CCDC150: variants seen among roughly 807,000 people sequenced by gnomAD.
CCDC150 encodes the protein coiled-coil domain containing 150.
In CCDC150, 151 loss-of-function variants were observed where a neutral mutation model predicts 156.5. The observed-to-expected ratio is 0.97, with a 90% CI of 0.85 to 1.10. The LOEUF is 1.10. CCDC150 is among the 50% of genes least tolerant of loss of function. CCDC150 has a pLI of 0.00. For missense variants in CCDC150, 1,312 were observed against 1,268.1 expected (o/e 1.03, Z -0.53); for synonymous variants, 452 against 429.4 (o/e 1.05, Z -0.65).
chr2:196,704,381 G>A (rs1463704899), intron 15 of CCDC150, among the ~76,000 whole-genome samples: 1 of 152,080 alleles, frequency 6.6e-6, no homozygotes, highest in African/African-American at 2.4e-5. Flanking sequence ...TAATAACAAT[G>A]ATGATATGAT....
intron 2 of CCDC150, among the ~76,000 whole-genome samples, chr2:196,656,290 A>T (rs542837664): frequency 2.0e-5 from 3 of 152,170 alleles, no homozygotes; most frequent in Non-Finnish European, 4.4e-5. Flanking sequence ...ATACCTTCTT[A>T]ATTGGATGGC....
At chr2:196,732,420 T>A (rs1443803141) in intron 27 of CCDC150, 26 bp from the exon 28 acceptor site, 1 of 1,505,412 alleles carries the variant, frequency 6.6e-7, no homozygotes, top group Non-Finnish European at 9.2e-7. Flanking sequence ...GAACAGTCAG[T>A]GTTAGGTGTG....
intron 1 of CCDC150, among the ~76,000 whole-genome samples, chr2:196,643,601 A>G (rs949319619): frequency 2.6e-5 from 4 of 152,242 alleles, no homozygotes; most frequent in East Asian, 1.9e-4. Flanking sequence ...TCTGCATCCT[A>G]TTCAAAATAT....
At chr2:196,682,229 G>A (rs932458419) in intron 13 of CCDC150, among the ~76,000 whole-genome samples, 1 of 151,830 alleles carries the variant, frequency 6.6e-6, no homozygotes, top group African/African-American at 2.4e-5. Context: ...TCTTTCTATG[G>A]AATAGTTTTC....
Position 196,718,484 on chromosome 2 carries a change from T to C in CCDC150, c.1867-19T>C. 1 of 1,577,540 alleles carries C rather than the reference T, an allele frequency of 6.3e-7. No homozygotes were observed. The highest frequency in any genetic ancestry group is 8.6e-7 in the Non-Finnish European group (1 of 1,158,716). ...CACTGATTTGTAATGTTATTTATTG[T>C]TTCTTTTTTCCTACTTAGGTGAAAT... On this transcript the variant is annotated intron_variant, in intron 17 of 27. Coordinates refer to ENST00000389175, the MANE Select transcript of CCDC150 (RefSeq NM_001080539.2).
At chr2:196,688,428 C>T (rs954959008) in intron 13 of CCDC150, among the ~76,000 whole-genome samples, 6 of 152,032 alleles carry the variant, frequency 3.9e-5, no homozygotes, top group Non-Finnish European at 5.9e-5. Context: ...GGAATGCTAA[C>T]GATCTTTGCA....
intron 13 of CCDC150, among the ~76,000 whole-genome samples, chr2:196,681,594 G>C (rs934728497): frequency 6.6e-6 from 1 of 152,132 alleles, no homozygotes; most frequent in East Asian, 1.9e-4. Context: ...CACCAGCGAT[G>C]TACAAAAGTT....
intron 13 of CCDC150, 119 bp from the exon 14 acceptor site, chr2:196,694,927 G>A (rs1054507499): frequency 3.8e-6 from 2 of 531,494 alleles, no homozygotes; most frequent in African/African-American, 2.0e-5. Context: ...ACATTTAGAG[G>A]CAAGGAAACA....
chr2:196,672,352 A>G lies in CCDC150; in HGVS notation c.944A>G (p.Gln315Arg), dbSNP rs1421876786. 2 of 1,520,764 alleles carry G rather than the reference A, an allele frequency of 1.3e-6. No individual in the cohort carries two copies. The highest frequency in any genetic ancestry group is 4.5e-5 in the Admixed American group (2 of 44,580). The allele number at this position is 1,520,764 out of a possible 1,614,324, so 94.2% of individuals were successfully genotyped here. A position where few individuals can be genotyped will look rare whatever the true frequency, so the allele number is the denominator to read the frequency against. The change falls in exon 9 of 28, where the codon CAG becomes CGG. Residue 315 changes from glutamine to arginine, a missense_variant. Gln to Arg is a conservative substitution (Grantham distance 43). Transcript: ENST00000389175. ...TAATTTTTTTTCTTATAGAACCTGC[A>G]GATATCTTTCAACAAGGAACATGAA... ...SKLVEENKNL[Q>R]ISFNKEHEEN...
rs1695810812 is a variant in CCDC150 at position 196,696,110 on chromosome 2, T to C, written c.1623+951T>C. On this transcript the variant is annotated intron_variant, in intron 14 of 27. Coordinates refer to ENST00000389175, the MANE Select transcript of CCDC150 (RefSeq NM_001080539.2). ...GGTTTTCAAGCCAGATTTCCTACTT[T>C]TGAGTTTTGGCTGTGACCTCGGGTA... Among the ~76,000 whole-genome samples the C allele has an allele frequency of 1.3e-5, 2 of 152,186 alleles. 1 individual carries two copies. The highest frequency in any genetic ancestry group is 1.3e-4 in the Admixed American group (2 of 15,278).
chr2:196,684,554 G>T (rs963883300), intron 13 of CCDC150, among the ~76,000 whole-genome samples: 1 of 152,050 alleles, frequency 6.6e-6, no homozygotes, highest in Non-Finnish European at 1.5e-5. Flanking sequence ...ATAGGTGTCC[G>T]TTAGGTCTAC....
chr2:196,729,339 C>T lies in CCDC150; in HGVS notation c.2703C>T (p.Leu901=), dbSNP rs1262877771. 1.2e-6 allele frequency: 2 copies of T among 1,613,628 alleles called. No individual in the cohort carries two copies. The highest frequency in any genetic ancestry group is 1.7e-6 in the Non-Finnish European group (2 of 1,179,828). The part of the protein sequence containing the change: ...KIKNQKTQIK[L]HLSAKANNAQ... ...AGAATCAAAAGACCCAAATTAAGCT[C>T]CACTTGTCAGCTAAGGCGAATAATG... The change falls in exon 23 of 28, where the codon CTC becomes CTT. Residue 901 remains leucine (L), a synonymous_variant. Coordinates refer to ENST00000389175, the MANE Select transcript of CCDC150 (RefSeq NM_001080539.2).
At chr2:196,656,573 T>G in intron 2 of CCDC150, 60 bp from the exon 3 acceptor site, 1 of 1,150,434 alleles carries the variant, frequency 8.7e-7, no homozygotes, top group South Asian at 1.4e-5. Context: ...ACTCAGTTTT[T>G]GGGATTACCA....
intron 27 of CCDC150, 79 bp downstream of exon 27, chr2:196,732,231 C>G: frequency 1.4e-6 from 2 of 1,447,520 alleles, no homozygotes; most frequent in Non-Finnish European, 1.9e-6. Context: ...GTTCTCTCAT[C>G]ATCTCGATAC....
Position 196,669,749 on chromosome 2 carries a change from CAT to C in CCDC150, c.893-82_893-81del. Reference sequence around the variant, plus strand: ...TCTCCTTATCTCTACAAAAAATAGACATAAAATATTTAAAGCTTCTCACTATG... The same window carrying C: ...TCTCCTTATCTCTACAAAAAATAGACAAAATATTTAAAGCTTCTCACTATG... On this transcript the variant is annotated intron_variant, in intron 7 of 27. Coordinates refer to ENST00000389175, the MANE Select transcript of CCDC150 (RefSeq NM_001080539.2). 6.6e-6 allele frequency: 6 copies of C among 905,472 alleles called. 1 individual carries two copies. In the South Asian group the frequency reaches 8.9e-5, roughly 13 times the overall value. 56.1% of individuals were successfully genotyped at this position (905,472 alleles called of 1,614,324 possible).
intron 2 of CCDC150, among the ~76,000 whole-genome samples, chr2:196,650,550 C>T (rs534918664): frequency 1.8e-4 from 27 of 152,228 alleles, no homozygotes; most frequent in Non-Finnish European, 2.8e-4. Flanking sequence ...AGTGCCACCA[C>T]GCCTGGCTAA....
At chr2:196,690,119 G>A (rs867282149) in intron 13 of CCDC150, among the ~76,000 whole-genome samples, 17 of 151,606 alleles carry the variant, frequency 1.1e-4, no homozygotes, top group Admixed American at 5.3e-4. Context: ...GTAAACTATC[G>A]CAAGAACAAA....
chr2:196,718,965 T>C (rs1697713476), intron 18 of CCDC150, among the ~76,000 whole-genome samples: 2 of 152,220 alleles, frequency 1.3e-5, no homozygotes, highest in Admixed American at 6.5e-5. Context: ...ATTTCTATGA[T>C]GCTTTCTCCT....
intron 14 of CCDC150, among the ~76,000 whole-genome samples, 186 bp downstream of exon 14, chr2:196,695,345 A>T (rs1028239477): frequency 6.6e-6 from 1 of 152,240 alleles, no homozygotes; most frequent in Non-Finnish European, 1.5e-5. Flanking sequence ...TTTATTAAAC[A>T]TTTGCCTTCA....
Sources: allele counts gnomAD v4.1 joint callset (sites outside exome capture counted in the v4.1 genomes callset), GRCh38; gene constraint gnomAD v4.1.1; transcripts MANE v1.5; gene names NCBI Gene and HGNC (gene_info 2026-07-23, HGNC 2026-07-21).